Variants in PRR16 observed in about 807,000 individuals in gnomAD.
The protein encoded by PRR16 is protein Largen.
In PRR16, 6 loss-of-function variants were observed where a neutral mutation model predicts 18.2. That is an observed-to-expected ratio of 0.33 (90% confidence interval 0.18 to 0.65). The LOEUF (loss-of-function observed/expected upper bound fraction) is 0.65, where lower values mean the gene tolerates loss of function less well. Among genes scored for constraint, PRR16 ranks in the 30% least tolerant of loss-of-function variants. The probability of loss-of-function intolerance (pLI) is 0.74; values close to 1 mark genes in which losing one functional copy is unlikely to be tolerated. For synonymous variants in PRR16, 151 were observed against 147.8 expected, an observed-to-expected ratio of 1.02 and a Z score of -0.16; for missense variants, 412 against 376.6, an observed-to-expected ratio of 1.09 and a Z score of -0.78.
chr5:120,485,800 TC>T (rs931879166), intron 1 of PRR16, among the ~76,000 whole-genome samples: 7 of 152,056 alleles, frequency 4.6e-5, no homozygotes, highest in Non-Finnish European at 4.4e-5. Context: ...CCCTCCTGCC[TC>T]CCCCGACCCC....
chr5:120,523,178 G>A (rs1043758097), intron 1 of PRR16, among the ~76,000 whole-genome samples: 1 of 152,132 alleles, frequency 6.6e-6, no homozygotes, highest in African/African-American at 2.4e-5. Context: ...CACTGCTTGT[G>A]CATTTTTGGA....
the PRR16 span, among the ~76,000 whole-genome samples, chr5:120,697,719 GT>G: frequency 8.6e-4 from 131 of 151,998 alleles, no homozygotes; most frequent in African/African-American, 2.9e-3. Flanking sequence ...GTCAAAGGGG[GT>G]TTGTTCTCTG....
At chr5:120,580,539 C>G (rs963333880) in intron 1 of PRR16, among the ~76,000 whole-genome samples, 3 of 150,738 alleles carry the variant, frequency 2.0e-5, no homozygotes, top group Non-Finnish European at 4.4e-5. Flanking sequence ...ACTGCAAGCT[C>G]CACCTCCCAG....
intron 1 of PRR16, among the ~76,000 whole-genome samples, chr5:120,611,495 G>C (rs899712016): frequency 2.0e-5 from 3 of 152,138 alleles, no homozygotes; most frequent in Non-Finnish European, 2.9e-5. Context: ...GTGCAGCCTA[G>C]GGACTTGGTG....
chr5:120,520,885 A>G (rs1751152411), intron 1 of PRR16, among the ~76,000 whole-genome samples: 1 of 151,920 alleles, frequency 6.6e-6, no homozygotes, highest in Admixed American at 6.6e-5. Context: ...TTTTATTTTG[A>G]ATTTGGGAAA....
At chr5:120,783,189 TATC>T in the PRR16 span, among the ~76,000 whole-genome samples, 3 of 152,214 alleles carry the variant, frequency 2.0e-5, no homozygotes, top group East Asian at 1.9e-4. Context: ...GAATTAGTAA[TATC>T]ATTTTCTTCA....
At chr5:120,505,147 T>G (rs902311676) in intron 1 of PRR16, among the ~76,000 whole-genome samples, 13 of 152,208 alleles carry the variant, frequency 8.5e-5, no homozygotes, top group African/African-American at 2.9e-4. Flanking sequence ...CTTCTCCCTT[T>G]CCAAACACTT....
At chr5:120,788,401 C>A in the PRR16 span, among the ~76,000 whole-genome samples, 1 of 152,028 alleles carries the variant, frequency 6.6e-6, no homozygotes, top group Non-Finnish European at 1.5e-5. Flanking sequence ...ATCTTTGTTT[C>A]AAATCCATGA....
Position 120,593,247 on chromosome 5 carries a change from A to G in PRR16, c.160-92707A>G, listed in dbSNP as rs369273785. 2.5e-4 allele frequency among the ~76,000 whole-genome samples: 38 copies of G among 152,178 alleles called. No homozygotes were observed. The East Asian group carries it at 6.4e-3, about 25-fold the overall frequency. Reference sequence around the variant, plus strand: ...AGAATTGATTTTTTTGAAAAAACTAATAAGATAGACTACTAACTAGAAGGA... The same window carrying G: ...AGAATTGATTTTTTTGAAAAAACTAGTAAGATAGACTACTAACTAGAAGGA... On this transcript the variant is annotated intron_variant, in intron 1 of 1. Coordinates refer to ENST00000407149, the MANE Select transcript of PRR16 (RefSeq NM_001300783.2).
chr5:120,650,208 T>C (rs1471081376), intron 1 of PRR16, among the ~76,000 whole-genome samples: 1 of 144,910 alleles, frequency 6.9e-6, no homozygotes, highest in African/African-American at 2.6e-5. Flanking sequence ...AGAACAAGAC[T>C]CCTTCTAAAA....
At chr5:120,672,321 G>A (rs74339004) in intron 1 of PRR16, among the ~76,000 whole-genome samples, 7,770 of 147,328 alleles carry the variant, frequency 0.053, 410 homozygotes, top group African/African-American at 0.13. Flanking sequence ...AGTAGAGAAT[G>A]CCTTATATAA....
At chr5:120,503,375 A>C (rs1283106844) in intron 1 of PRR16, among the ~76,000 whole-genome samples, 1 of 152,166 alleles carries the variant, frequency 6.6e-6, no homozygotes, top group African/African-American at 2.4e-5. Context: ...CCATGTTTTC[A>C]CTTAGAGCTA....
chr5:120,565,213 C>A (rs1426954451), intron 1 of PRR16, among the ~76,000 whole-genome samples: 2 of 152,020 alleles, frequency 1.3e-5, no homozygotes, highest in African/African-American at 4.8e-5. Context: ...GAGGAGTAGT[C>A]TGATGATCCA....
At chr5:120,766,635 C>T in the PRR16 span, among the ~76,000 whole-genome samples, 1 of 151,910 alleles carries the variant, frequency 6.6e-6, no homozygotes, top group Non-Finnish European at 1.5e-5. Context: ...TTCCATTGCA[C>T]TGATTTTCTA....
chr5:120,680,443 A>G, intron 1 of PRR16, among the ~76,000 whole-genome samples: 1 of 152,158 alleles, frequency 6.6e-6, no homozygotes, highest in East Asian at 1.9e-4. Context: ...ATCACTTGTT[A>G]ATAGATATTT....
chr5:120,597,447 C>T (rs1241927651), intron 1 of PRR16, among the ~76,000 whole-genome samples: 1 of 151,408 alleles, frequency 6.6e-6, no homozygotes, highest in Non-Finnish European at 1.5e-5. Context: ...TTCTAAAATA[C>T]TAAAATTCTG....
intron 1 of PRR16, among the ~76,000 whole-genome samples, chr5:120,510,744 TTGAA>T (rs1750800262): frequency 6.6e-6 from 1 of 152,198 alleles, no homozygotes; most frequent in African/African-American, 2.4e-5. Context: ...ACCTCAAATC[TTGAA>T]ATTGAGACAG....
chr5:120,629,331 A>G (rs555734004), intron 1 of PRR16, among the ~76,000 whole-genome samples: 5 of 152,242 alleles, frequency 3.3e-5, no homozygotes, highest in Admixed American at 2.0e-4. Flanking sequence ...TATATACTCA[A>G]TAATATACTC....
chr5:120,720,065 T>C, the PRR16 span, among the ~76,000 whole-genome samples: 1 of 152,002 alleles, frequency 6.6e-6, no homozygotes, highest in Non-Finnish European at 1.5e-5. Flanking sequence ...ATTTATTGTA[T>C]AGTCTATATT....
Sources: gnomAD v4.1 joint callset for allele counts (sites outside exome capture counted in the v4.1 genomes callset) on GRCh38, gnomAD v4.1.1 for gene constraint, MANE v1.5 for transcripts, NCBI Gene and HGNC (gene_info 2026-07-23, HGNC 2026-07-21) for gene names.